IL7: variants seen among roughly 807,000 people sequenced by gnomAD.
IL7 encodes the protein interleukin 7.
In IL7, 3 loss-of-function variants were observed where a neutral mutation model predicts 21.6. The observed-to-expected ratio is 0.14, with a 90% confidence interval of 0.06 to 0.36. IL7 has a LOEUF of 0.36. IL7 is among the 10% of genes least tolerant of loss of function. The pLI is 1.00. For missense variants in IL7, 175 were observed against 200.2 expected, an observed-to-expected ratio of 0.87 and a Z score of 0.76; for synonymous variants, 62 against 68.1, an observed-to-expected ratio of 0.91 and a Z score of 0.44.
chr8:78,690,426 G>A (rs939197316), intron 3 of IL7, among the ~76,000 whole-genome samples: 3 of 152,028 alleles, frequency 2.0e-5, no homozygotes, highest in Non-Finnish European at 2.9e-5. Context: ...TGGACGTGGT[G>A]GCGGGCGCCT....
At chr8:78,712,328 A>G (rs1810976838) in intron 3 of IL7, among the ~76,000 whole-genome samples, 1 of 152,154 alleles carries the variant, frequency 6.6e-6, no homozygotes, top group Non-Finnish European at 1.5e-5. Context: ...ATTTTATTCC[A>G]TTAAATATTA....
intron 3 of IL7, chr8:78,686,429 T>C: frequency 8.1e-7 from 1 of 1,228,828 alleles, no homozygotes; most frequent in Non-Finnish European, 1.0e-6. Flanking sequence ...AAGATACTGT[T>C]TGTTTATTTA....
Position 78,733,600 on chromosome 8 carries a change from T to C in IL7, c.*113A>G, listed in dbSNP as rs1319256776. On this transcript the variant is annotated 3_prime_UTR_variant, in exon 6 of 6. Coordinates refer to ENST00000263851, the MANE Select transcript of IL7 (RefSeq NM_000880.4). ...CAAATGCCCTAATCCGTTTTGACCA[T>C]GGTGCATTCAGTAACTTCTAGGAAG... is the stretch of plus-strand genomic sequence containing the variant. The C allele has an allele frequency of 1.8e-6, 2 of 1,090,312 alleles. No individual in the cohort carries two copies. The highest frequency in any genetic ancestry group is 1.6e-5 in the African/African-American group (1 of 60,842). The allele number at this position is 1,090,312 out of a possible 1,614,324, so 67.5% of individuals were successfully genotyped here.
chr8:78,767,144 T>C (rs974401625), intron 2 of IL7, among the ~76,000 whole-genome samples: 2 of 152,106 alleles, frequency 1.3e-5, no homozygotes, highest in Non-Finnish European at 1.5e-5. Context: ...GTTGATAATT[T>C]TATATAAGGG....
downstream of IL7, among the ~76,000 whole-genome samples, chr8:78,675,084 TC>T (rs1456851153): frequency 1.3e-5 from 2 of 151,714 alleles, no homozygotes; most frequent in African/African-American, 4.8e-5. Flanking sequence ...TCTTTTTTTT[TC>T]TTTTTAGTAA....
At chr8:78,716,474 A>G (rs1442805570), downstream of IL7, among the ~76,000 whole-genome samples, 1 of 152,092 alleles carries the variant, frequency 6.6e-6, no homozygotes, top group Non-Finnish European at 1.5e-5. Flanking sequence ...TGCATGCATA[A>G]GAGTTTGTTA....
chr8:78,744,926 G>A (rs560424649), intron 2 of IL7, among the ~76,000 whole-genome samples: 1 of 152,318 alleles, frequency 6.6e-6, no homozygotes, highest in South Asian at 2.1e-4. Context: ...CTGGCTGGGT[G>A]TCGTGCCCAG....
intron 3 of IL7, among the ~76,000 whole-genome samples, chr8:78,692,863 TA>T (rs1434875587): frequency 6.6e-6 from 1 of 152,124 alleles, no homozygotes; most frequent in Non-Finnish European, 1.5e-5. Context: ...GTATATCTCC[TA>T]ATGCTATCCC....
intron 4 of IL7, among the ~76,000 whole-genome samples, chr8:78,677,784 A>G (rs1052631671): frequency 3.3e-5 from 5 of 152,174 alleles, no homozygotes; most frequent in African/African-American, 1.2e-4. Flanking sequence ...TGCACAGGAA[A>G]CAATTTAGGG....
intron 2 of IL7, among the ~76,000 whole-genome samples, chr8:78,794,329 C>A (rs977941081): frequency 6.6e-6 from 1 of 152,078 alleles, no homozygotes; most frequent in Non-Finnish European, 1.5e-5. Context: ...CTTTGATTCA[C>A]GGGCTGAAAA....
chr8:78,675,343 A>G (rs1464534555), downstream of IL7, among the ~76,000 whole-genome samples: 9 of 151,994 alleles, frequency 5.9e-5, no homozygotes, highest in Admixed American at 5.9e-4. Context: ...TAAACAGAGT[A>G]AGATTCGTTT....
chr8:78,764,068 T>C (rs1812669629), intron 2 of IL7, among the ~76,000 whole-genome samples: 1 of 152,060 alleles, frequency 6.6e-6, no homozygotes, highest in African/African-American at 2.4e-5. Context: ...ATCTAATCCA[T>C]CACATCAATA....
At chr8:78,686,290 T>C (rs1246945485) in intron 3 of IL7, among the ~76,000 whole-genome samples, 2 of 152,138 alleles carry the variant, frequency 1.3e-5, no homozygotes, top group Non-Finnish European at 2.9e-5. Flanking sequence ...GAATATAAAA[T>C]TGCAATGTAG....
intron 2 of IL7, among the ~76,000 whole-genome samples, chr8:78,747,929 T>G (rs1023231659): frequency 6.6e-6 from 1 of 152,188 alleles, no homozygotes; most frequent in Non-Finnish European, 1.5e-5. Flanking sequence ...AGAAGGATAC[T>G]TCACAAGAGA....
At chr8:78,745,178 T>C (rs1302492443) in intron 2 of IL7, among the ~76,000 whole-genome samples, 1 of 152,264 alleles carries the variant, frequency 6.6e-6, no homozygotes, top group Admixed American at 6.5e-5. Context: ...TAGAATTATA[T>C]CTTCTTTAAT....
chr8:78,695,633 T>G (rs1810375592), intron 3 of IL7, among the ~76,000 whole-genome samples: 1 of 152,204 alleles, frequency 6.6e-6, no homozygotes. Context: ...TTTAAGTCTT[T>G]TCTAATGTCT....
At chr8:78,794,017 T>A (rs1813776943) in intron 2 of IL7, among the ~76,000 whole-genome samples, 1 of 152,166 alleles carries the variant, frequency 6.6e-6, no homozygotes, top group South Asian at 2.1e-4. Flanking sequence ...GCTCCACTTC[T>A]AATTCTAATT....
chr8:78,786,691 T>A, intron 2 of IL7, among the ~76,000 whole-genome samples: 1 of 152,210 alleles, frequency 6.6e-6, no homozygotes, highest in East Asian at 1.9e-4. Context: ...TTGTGTCGTA[T>A]GACTGTATGT....
intron 2 of IL7, among the ~76,000 whole-genome samples, chr8:78,797,649 T>C (rs961504029): frequency 4.6e-5 from 7 of 151,914 alleles, no homozygotes; most frequent in African/African-American, 1.7e-4. Flanking sequence ...TACACACATA[T>C]AAATAACTAT....
Sources: gnomAD v4.1 joint callset for allele counts (sites outside exome capture counted in the v4.1 genomes callset) on GRCh38, gnomAD v4.1.1 for gene constraint, MANE v1.5 for transcripts, NCBI Gene and HGNC (gene_info 2026-07-23, HGNC 2026-07-21) for gene names.